Variants in NPC1L1 observed in about 807,000 individuals in gnomAD.
The protein encoded by NPC1L1 is NPC1 like intracellular cholesterol transporter 1.
In NPC1L1, 98 loss-of-function variants were observed where a neutral mutation model predicts 117.0. The observed-to-expected ratio is 0.84, with a 90% confidence interval of 0.71 to 0.99. The LOEUF is 0.99. Ranked by LOEUF, NPC1L1 falls within the 50% of genes least tolerant of loss-of-function variation. The pLI, the probability that NPC1L1 is intolerant of heterozygous loss-of-function variation, is 0.00. For synonymous variants in NPC1L1, 729 were observed against 727.6 expected, an observed-to-expected ratio of 1.00 and a Z score of -0.03; for missense variants, 1,540 against 1,710.0, an observed-to-expected ratio of 0.90 and a Z score of 1.75.
chr7:44,516,083 C>A lies in NPC1L1; in HGVS notation c.3633+1G>T. ...AGGGTGGCCCACTCCTCTCCACTCA[C>A]CGCACTTCCCATAGAGATGGTGGCC... On this transcript the variant is annotated splice_donor_variant, in intron 17 of 18. Coordinates refer to ENST00000381160, the MANE Select transcript of NPC1L1 (RefSeq NM_001101648.2). LOFTEE classifies it high-confidence loss of function. The A allele has an allele frequency of 6.2e-7, 1 of 1,610,940 alleles. No homozygotes were observed. Among genetic ancestry groups the A allele is most frequent in the African/African-American group, 1.3e-5 (1 of 75,010 alleles).
At position 44,537,939 on chromosome 7, in the gene NPC1L1, C is replaced by T. The variant is rs1801950826; in HGVS notation, c.1580+878G>A. ...AAACTTGGGGCCCAGCTGAGGGATGCAGAGCCAGGTAGCAGGGGACAGAAA... is the reference window on the plus strand; with the variant it reads ...AAACTTGGGGCCCAGCTGAGGGATGTAGAGCCAGGTAGCAGGGGACAGAAA... On this transcript the variant is annotated intron_variant, in intron 2 of 18. Transcript: ENST00000381160. 3.3e-5 allele frequency among the ~76,000 whole-genome samples: 5 copies of T among 152,254 alleles called. 1 individual carries two copies. Among genetic ancestry groups the T allele is most frequent in the Admixed American group, 3.3e-4 (5 of 15,294 alleles).
Position 44,540,446 on chromosome 7 carries a change from G to A in NPC1L1, c.55-104C>T, listed in dbSNP as rs938283275. 6 of 1,026,756 alleles carry A rather than the reference G, an allele frequency of 5.8e-6. No individual in the cohort carries two copies. In the Admixed American group the frequency reaches 1.2e-4, roughly 20 times the overall value. 63.6% of individuals were successfully genotyped at this position (1,026,756 alleles called of 1,614,324 possible). A position where few individuals can be genotyped will look rare whatever the true frequency, so the allele number is the denominator to read the frequency against. ...TGAGGGTAAGAAGGACATGGAGCAG[G>A]GGCAGGGAAGCGGGGAGTGTGGGGA... On this transcript the variant is annotated intron_variant, in intron 1 of 18. Transcript: ENST00000381160.
chr7:44,524,376 T>A (rs534124541), intron 10 of NPC1L1, among the ~76,000 whole-genome samples: 1 of 152,046 alleles, frequency 6.6e-6, no homozygotes, highest in African/African-American at 2.4e-5. Context: ...AAGAAAAACA[T>A]GGCCCATTCA....
At position 44,531,777 on chromosome 7, in the gene NPC1L1, T is replaced by C; in HGVS notation, c.2615A>G (p.Asp872Gly). The C allele has an allele frequency of 1.3e-6, 2 of 1,583,138 alleles. No homozygotes were observed. Among genetic ancestry groups the C allele is most frequent in the Non-Finnish European group, 1.7e-6 (2 of 1,164,926 alleles). Residue 872 changes from aspartate (D) to glycine (G), a missense_variant, in exon 10 of 19, where the codon GAC (aspartate) becomes GGC (glycine). By Grantham distance (94) the Asp-to-Gly change is moderately conservative. This residue lies in a region of NPC1L1 where 742 missense variants were observed against 873.6 expected (regional missense o/e 0.85). Transcript: ENST00000381160. Reference protein sequence around the residue: ...YSMCHISVGLDQELALPKDSY... With the variant: ...YSMCHISVGLGQELALPKDSY... ...CACCTTGGGCAGGGCCAGCTCCTGG[T>C]CCAGTCCCACGCTGATGTGGCACAT...
rs879794600 is a variant in NPC1L1 at position 44,512,609 on chromosome 7, A to T, written c.*838T>A. The T allele has an allele frequency of 6.6e-6, 1 of 152,426 alleles. No homozygotes were observed. Among genetic ancestry groups the T allele is most frequent in the Non-Finnish European group, 1.5e-5 (1 of 68,206 alleles). 9.4% of individuals were successfully genotyped at this position (152,426 alleles called of 1,614,324 possible). A position where few individuals can be genotyped will look rare whatever the true frequency, so the allele number is the denominator to read the frequency against. On this transcript the variant is annotated 3_prime_UTR_variant, in exon 19 of 19. Transcript: ENST00000381160. ...AGGATCTTCATCTCCACTGCAGTTC[A>T]TGCTTCTGGAGAGCTGTCCAAAAGC... is the stretch of plus-strand genomic sequence containing the variant.
intron 10 of NPC1L1, among the ~76,000 whole-genome samples, chr7:44,528,624 A>C (rs1275222554): frequency 3.3e-5 from 5 of 152,242 alleles, no homozygotes; most frequent in African/African-American, 4.8e-5. Context: ...ACTAGTAGCA[A>C]TCAACTAAGC....
intron 14 of NPC1L1, among the ~76,000 whole-genome samples, 179 bp from the exon 15 acceptor site, chr7:44,517,536 C>G (rs1342260389): frequency 6.6e-6 from 1 of 152,158 alleles, no homozygotes; most frequent in Non-Finnish European, 1.5e-5. Flanking sequence ...TTTTGTTTTG[C>G]ACCAGCCCTG....
chr7:44,541,221 G>T lies in NPC1L1; in HGVS notation c.39C>A (p.Ala13=), dbSNP rs1374844807. Residue 13 remains alanine (A), a synonymous_variant, in exon 1 of 19, where the codon GCC becomes GCA. Coordinates refer to ENST00000381160, the MANE Select transcript of NPC1L1 (RefSeq NM_001101648.2). The part of the protein sequence containing the change: ...EAGLRGWLLW[A]LLLRLAQSEP... Reference sequence around the variant, plus strand: ...TGGGACTCACCAAGCGCAGGAGCAGGGCCCACAGCAGCCAGCCCCTCAGGC... The same window carrying T: ...TGGGACTCACCAAGCGCAGGAGCAGTGCCCACAGCAGCCAGCCCCTCAGGC... 6.5e-7 allele frequency: 1 copy of T among 1,549,938 alleles called. No homozygotes were observed. The highest frequency in any genetic ancestry group is 2.0e-5 in the Admixed American group (1 of 50,980).
intron 8 of NPC1L1, 76 bp downstream of exon 8, chr7:44,533,355 G>A (rs904136801): frequency 1.3e-6 from 2 of 1,594,084 alleles, no homozygotes; most frequent in South Asian, 2.2e-5. Flanking sequence ...TCTCTGTGGT[G>A]GTAAAGCCAC....
chr7:44,517,207 G>T lies in NPC1L1; in HGVS notation c.3287C>A (p.Thr1096Lys). ...CCAGCCCAGCCACTCAGGTCCTCACGTGTAGGGGAAGACCTCAAAAGCCGG... is the reference window on the plus strand; with the variant it reads ...CCAGCCCAGCCACTCAGGTCCTCACTTGTAGGGGAAGACCTCAAAAGCCGG... ...TDPAFEVFPY[T>K]ITNVFYEQYL... is the part of the protein sequence containing the mutation. The change falls in exon 15 of 19, where the codon ACG becomes AAG. Residue 1096 changes from threonine (T) to lysine (K), a missense_variant and splice_region_variant. Thr to Lys is a moderately conservative substitution (Grantham distance 78). Coordinates refer to ENST00000381160, the MANE Select transcript of NPC1L1 (RefSeq NM_001101648.2). 1 of 1,614,132 alleles carries T rather than the reference G, an allele frequency of 6.2e-7. No individual in the cohort carries two copies. Among genetic ancestry groups the T allele is most frequent in the Non-Finnish European group, 8.5e-7 (1 of 1,179,990 alleles).
rs145167295 is a variant in NPC1L1, at chr7:44,539,463, C to G, written c.934G>C (p.Asp312His). The G allele has an allele frequency of 1.2e-3, 1,938 of 1,614,018 alleles. 2 individuals carry two copies. Among genetic ancestry groups the G allele is most frequent in the Non-Finnish European group, 1.5e-3 (1,725 of 1,180,002 alleles). The change falls in exon 2 of 19, where the codon GAC becomes CAC. Residue 312 changes from aspartate (D) to histidine (H), a missense_variant. Coordinates refer to ENST00000381160, the MANE Select transcript of NPC1L1 (RefSeq NM_001101648.2). This position sits in a 1 kb window ranked among gnomAD's most constrained non-coding sequence, Gnocchi z 4.4. ...LVGFRVAPAR[D>H]KSKMVDPKKG... ...TTGGGGTCCACCATCTTGCTTTTGTCCCTGGCGGGGGCCACACGGAATCCC... is the reference window on the plus strand; with the variant it reads ...TTGGGGTCCACCATCTTGCTTTTGTGCCTGGCGGGGGCCACACGGAATCCC...
intron 14 of NPC1L1, chr7:44,518,706 G>A (rs1269118711): frequency 8.3e-6 from 10 of 1,208,644 alleles, no homozygotes; most frequent in Non-Finnish European, 1.1e-5. Context: ...ATTGTGTACA[G>A]TGAGCATGTG....
At chr7:44,514,421 A>G (rs529816478) in intron 18 of NPC1L1, among the ~76,000 whole-genome samples, 1 of 152,362 alleles carries the variant, frequency 6.6e-6, no homozygotes, top group East Asian at 1.9e-4. Context: ...TAATCCCTGC[A>G]CTTTGGGAGG....
chr7:44,516,642 T>C, intron 16 of NPC1L1, 61 bp downstream of exon 16: 2 of 1,313,070 alleles, frequency 1.5e-6, no homozygotes, highest in Non-Finnish European at 2.2e-6. Flanking sequence ...GAGTATTCTA[T>C]GAGGCTGGAT....
chr7:44,538,972 G>T lies in NPC1L1; in HGVS notation c.1425C>A (p.Leu475=). The change falls in exon 2 of 19, where the codon CTC becomes CTA. Residue 475 remains leucine, a synonymous_variant. Transcript: ENST00000381160. The surrounding 1 kb of genome is among the most constrained non-coding windows in gnomAD (Gnocchi z 5.9). Reference sequence around the variant, plus strand: ...CGTAGAGACTGGTATTGTCCGGATTGAGGGGGGCGTAGCAGATGTCCTGCA... The same window carrying T: ...CGTAGAGACTGGTATTGTCCGGATTTAGGGGGGCGTAGCAGATGTCCTGCA... The part of the protein sequence containing the change: ...ISLQDICYAP[L]NPDNTSLYDC... The T allele has an allele frequency of 4.3e-6, 7 of 1,614,240 alleles. No homozygotes were observed. Among genetic ancestry groups the T allele is most frequent in the African/African-American group, 1.3e-5 (1 of 75,062 alleles).
Position 44,529,376 on chromosome 7 carries a change from A to T in NPC1L1, c.2637+2379T>A, listed in dbSNP as rs530044913. Among the ~76,000 whole-genome samples, 11 of 151,352 alleles carry T rather than the reference A, an allele frequency of 7.3e-5. No homozygotes were observed. In the South Asian group the frequency reaches 2.3e-3, roughly 31 times the overall value. ...GGTAGCTATACTAAGATCAGACAAAATATACTTTTTTTTTTTTTTTGAGAC... is the reference window on the plus strand; with the variant it reads ...GGTAGCTATACTAAGATCAGACAAATTATACTTTTTTTTTTTTTTTGAGAC... On this transcript the variant is annotated intron_variant, in intron 10 of 18. Transcript: ENST00000381160.
At position 44,522,126 on chromosome 7, in the gene NPC1L1, G is replaced by A. The variant is rs1048920595; in HGVS notation, c.2754C>T (p.Ala918=). The A allele has an allele frequency of 3.1e-6, 5 of 1,613,922 alleles. No homozygotes were observed. The highest frequency in any genetic ancestry group is 4.2e-6 in the Non-Finnish European group (5 of 1,179,990). ...YNFSSEAGMN[A]ICSSAGCNNF... ...TGTTGCAGCCTGCACTGGAGCAGAT[G>A]GCATTCATCCCAGCCTCGCTGGAGA... Residue 918 remains alanine (A), a synonymous_variant, in exon 11 of 19, where the codon GCC becomes GCT. Transcript: ENST00000381160.
chr7:44,513,370 C>A lies in NPC1L1; in HGVS notation c.*77G>T. ...CCTAGGATTTGAGGAGGGCGTGTGT[C>A]AAGGGGCAGTCACAAGGAAGATCCC... On this transcript the variant is annotated 3_prime_UTR_variant, in exon 19 of 19. Coordinates refer to ENST00000381160, the MANE Select transcript of NPC1L1 (RefSeq NM_001101648.2). 7.2e-7 allele frequency: 1 copy of A among 1,396,352 alleles called. No individual in the cohort carries two copies. 86.5% of individuals were successfully genotyped at this position (1,396,352 alleles called of 1,614,324 possible). A position where few individuals can be genotyped will look rare whatever the true frequency, so the allele number is the denominator to read the frequency against.
Position 44,532,195 on chromosome 7 carries a change from C to T in NPC1L1, c.2432G>A (p.Cys811Tyr). The T allele has an allele frequency of 6.2e-7, 1 of 1,613,914 alleles. No individual in the cohort carries two copies. ...GGGCAGCTCCTGGGGCTTGACACAG[C>T]AGCAGACGTCCAACCGGGAGGCCTG... ...RQEASRLDVC[C>Y]CVKPQELPPP... Residue 811 changes from cysteine (C) to tyrosine (Y), a missense_variant, in exon 9 of 19, where the codon TGC becomes TAC. Coordinates refer to ENST00000381160, the MANE Select transcript of NPC1L1 (RefSeq NM_001101648.2).
Sources: gnomAD v4.1 joint callset for allele counts (sites outside exome capture counted in the v4.1 genomes callset) on GRCh38, gnomAD v4.1.1 for gene constraint, gnomAD v4.1.1 regional missense constraint, Gnocchi (gnomAD v3.1) non-coding constraint, MANE v1.5 for transcripts, NCBI Gene and HGNC (gene_info 2026-07-23, HGNC 2026-07-21) for gene names.